Variants in CRLF2 observed in about 807,000 individuals in gnomAD.
CRLF2 encodes cytokine receptor-like factor 2.
CRLF2 carries 41 observed loss-of-function variants against 38.7 expected under a neutral mutation model. The ratio of observed to expected loss-of-function variants is 1.06; its 90% CI spans 0.83 to 1.37. The LOEUF is 1.37. Ranked by LOEUF, CRLF2 falls within the 40% of genes most tolerant of loss-of-function variation. The probability of loss-of-function intolerance (pLI) is 0.00; values close to 1 mark genes in which losing one functional copy is unlikely to be tolerated. For missense variants in CRLF2, 377 were observed against 322.2 expected (o/e 1.17, Z -1.30); for synonymous variants, 140 against 128.8 (o/e 1.09, Z -0.59).
intron 2 of CRLF2, among the ~76,000 whole-genome samples, chrX:1,208,332 G>T (rs1171546041): frequency 3.3e-5 from 5 of 152,186 alleles, no homozygotes; most frequent in Non-Finnish European, 7.4e-5. Context: ...GCTGAGGCAG[G>T]TGGATCACAT....
chrX:1,210,111 AAAAAGAAAAGAAAAG>A (rs775032742), intron 1 of CRLF2, among the ~76,000 whole-genome samples: 34 of 107,852 alleles, frequency 3.2e-4, no homozygotes, highest in African/African-American at 7.9e-4. Flanking sequence ...ATCAAAAAAA[AAAAAGAAAAGAAAAG>A]AAAAGAAAAG....
chrX:1,191,960 C>G (rs1229041168), intron 7 of CRLF2, among the ~76,000 whole-genome samples: 1 of 151,062 alleles, frequency 6.6e-6, no homozygotes, highest in African/African-American at 2.4e-5. Flanking sequence ...AATCCCAGCA[C>G]TTTGGGAGGC....
chrX:1,193,014 T>G (rs2086420614), intron 7 of CRLF2, among the ~76,000 whole-genome samples: 1 of 151,358 alleles, frequency 6.6e-6, no homozygotes, highest in East Asian at 2.0e-4. Flanking sequence ...GGGTTTCACA[T>G]GTTGGCCAGG....
intron 3 of CRLF2, among the ~76,000 whole-genome samples, chrX:1,204,390 G>C (rs28738784): frequency 0.085 from 12,962 of 151,666 alleles, 1,300 homozygotes; most frequent in African/African-American, 0.24. Context: ...CACCAAGCCC[G>C]GCTAATTATG....
At position 1,190,865 on chromosome X, in the gene CRLF2, T is replaced by C. The variant is rs2086361749; in HGVS notation, c.*32A>G. 2 of 398,538 alleles carry C rather than the reference T, an allele frequency of 5.0e-6. No individual in the cohort carries two copies. The allele number at this position is 398,538 out of a possible 1,614,324, so 24.7% of individuals were successfully genotyped here. A position where few individuals can be genotyped will look rare whatever the true frequency, so the allele number is the denominator to read the frequency against. Reference sequence around the variant, plus strand: ...CTCTGTCTTTAAATGTCAACGTGGATCCTGACGTTGACTTTGACAGTGGTG... The same window carrying C: ...CTCTGTCTTTAAATGTCAACGTGGACCCTGACGTTGACTTTGACAGTGGTG... On this transcript the variant is annotated 3_prime_UTR_variant, in exon 8 of 8. Coordinates refer to ENST00000400841, the MANE Select transcript of CRLF2 (RefSeq NM_022148.4).
intron 3 of CRLF2, 86 bp from the exon 4 acceptor site, chrX:1,202,621 A>C (rs1419428765): frequency 6.7e-7 from 1 of 1,483,222 alleles, no homozygotes; most frequent in East Asian, 2.3e-5. Flanking sequence ...TCTAGCCTGT[A>C]CCCCTCCTCC....
At position 1,212,541 on chromosome X, in the gene CRLF2, T is replaced by A. The variant is rs1184861122; in HGVS notation, c.79+15A>T. The stretch of plus-strand genomic sequence containing the variant: ...AAACCAAAATACAACAAGAAGAGGG[T>A]GTTTAAATAATTACCTGCTCCTCCT... On this transcript the variant is annotated intron_variant, in intron 1 of 7. Coordinates refer to ENST00000400841, the MANE Select transcript of CRLF2 (RefSeq NM_022148.4). 3 of 1,591,044 alleles carry A rather than the reference T, an allele frequency of 1.9e-6. No homozygotes were observed. Among genetic ancestry groups the A allele is most frequent in the Non-Finnish European group, 2.6e-6 (3 of 1,162,640 alleles).
At chrX:1,207,508 C>G (rs1188451895) in intron 2 of CRLF2, among the ~76,000 whole-genome samples, 2 of 100,838 alleles carry the variant, frequency 2.0e-5, no homozygotes, top group South Asian at 4.7e-4. Flanking sequence ...TCCACCCCCC[C>G]CCCCCTCAGC....
intron 4 of CRLF2, among the ~76,000 whole-genome samples, chrX:1,201,368 G>A (rs2047040377): frequency 6.6e-6 from 1 of 150,586 alleles, no homozygotes; most frequent in South Asian, 2.1e-4. Context: ...AGAGAGACAG[G>A]TGTGTAGAGA....
intron 2 of CRLF2, among the ~76,000 whole-genome samples, chrX:1,208,571 A>AC (rs1388635077): frequency 6.6e-6 from 1 of 152,138 alleles, no homozygotes; most frequent in Non-Finnish European, 1.5e-5. Context: ...ATAAAAACAA[A>AC]CAAAAAAAAG....
chrX:1,198,938 C>T (rs553766525), intron 4 of CRLF2: 25 of 590,724 alleles, frequency 4.2e-5, no homozygotes, highest in South Asian at 1.9e-4. Context: ...CACCTGAGGT[C>T]GCAAGTTCGA....
chrX:1,208,884 A>T lies in CRLF2; in HGVS notation c.104T>A (p.Ile35Asn). 2 of 1,608,566 alleles carry T rather than the reference A, an allele frequency of 1.2e-6. No individual in the cohort carries two copies. The highest frequency in any genetic ancestry group is 1.3e-5 in the African/African-American group (1 of 74,938). Residue 35 changes from isoleucine (I) to asparagine (N), a missense_variant, in exon 2 of 8, where the codon ATC becomes AAC. Physicochemically the swap from Ile to Asn is moderately radical, Grantham distance 149. Coordinates refer to ENST00000400841, the MANE Select transcript of CRLF2 (RefSeq NM_022148.4). ...CTGCACGGTTTCTAAATTGAAGTAG[A>T]TGATCTGAATCTGTACTCCTTCTGC... ...GAAEGVQIQI[I>N]YFNLETVQVT...
At chrX:1,206,976 C>T (rs2086701692) in intron 2 of CRLF2, among the ~76,000 whole-genome samples, 1 of 135,080 alleles carries the variant, frequency 7.4e-6, no homozygotes, top group African/African-American at 2.8e-5. Context: ...GATGGTGTCT[C>T]GCTCTGTCCC....
intron 3 of CRLF2, 135 bp from the exon 4 acceptor site, chrX:1,202,670 C>G: frequency 9.8e-7 from 1 of 1,017,966 alleles, no homozygotes. Flanking sequence ...CACCCGTCCT[C>G]ATTACTTTTA....
chrX:1,198,139 ACCCTCCCTCCCACCTC>A (rs2086525073), intron 5 of CRLF2, among the ~76,000 whole-genome samples: 2 of 142,298 alleles, frequency 1.4e-5, no homozygotes, highest in Admixed American at 7.1e-5. Context: ...AAGGCAGGAC[ACCCTCCCTCCCACCTC>A]GAAGGCAGGA....
chrX:1,197,304 G>A (rs1210283634), intron 5 of CRLF2, among the ~76,000 whole-genome samples: 3 of 148,366 alleles, frequency 2.0e-5, no homozygotes, highest in African/African-American at 7.4e-5. Context: ...TTTTTTTAAT[G>A]AATGTTAGTG....
At chrX:1,192,008 A>G (rs1183353351) in intron 7 of CRLF2, among the ~76,000 whole-genome samples, 2 of 146,092 alleles carry the variant, frequency 1.4e-5, no homozygotes, top group South Asian at 2.4e-4. Context: ...GATCGAGACC[A>G]TCCCGACTAA....
rs1292976127 is a variant in CRLF2, at chrX:1,195,755, AT to A, written c.767+1024del. Among the ~76,000 whole-genome samples the A allele has an allele frequency of 6.9e-4, 91 of 132,660 alleles. 1 individual carries two copies. Among genetic ancestry groups the A allele is most frequent in the Non-Finnish European group, 2.5e-4 (16 of 62,904 alleles). 87.0% of individuals were successfully genotyped at this position (132,660 alleles called of 152,430 possible). A position where few individuals can be genotyped will look rare whatever the true frequency, so the allele number is the denominator to read the frequency against. ...TTTATATTTTTATAAATATATATAT[AT>A]TTTTATATTATATATATATTTATAT... On this transcript the variant is annotated intron_variant, in intron 6 of 7. Coordinates refer to ENST00000400841, the MANE Select transcript of CRLF2 (RefSeq NM_022148.4).
chrX:1,198,475 T>C, intron 5 of CRLF2, 87 bp downstream of exon 5: 1 of 1,042,406 alleles, frequency 9.6e-7, no homozygotes, highest in Non-Finnish European at 1.4e-6. Flanking sequence ...CAGGACACCC[T>C]CCCTCCCACC....
Sources: gnomAD v4.1 joint callset for allele counts (sites outside exome capture counted in the v4.1 genomes callset) on GRCh38, gnomAD v4.1.1 for gene constraint, MANE v1.5 for transcripts, NCBI Gene and HGNC (gene_info 2026-07-23, HGNC 2026-07-21) for gene names.